The following TUSC3 variants were observed in gnomAD, a reference collection of about 807,000 sequenced individuals.
TUSC3 encodes the protein tumor suppressor candidate 3.
A neutral mutation model predicts 44.8 loss-of-function variants in TUSC3; 45 were observed. That is an observed-to-expected ratio of 1.00 (90% confidence interval 0.79 to 1.29). TUSC3 has a LOEUF of 1.29. TUSC3 is among the 50% of genes most tolerant of loss of function. The probability of loss-of-function intolerance (pLI) is 0.00; values close to 1 mark genes in which losing one functional copy is unlikely to be tolerated. For synonymous variants in TUSC3, 212 were observed against 152.9 expected (o/e 1.39, Z -2.85); for missense variants, 519 against 437.9 (o/e 1.19, Z -1.65).
chr8:15,538,397 C>G (rs569140227), upstream of TUSC3, among the ~76,000 whole-genome samples: 1 of 152,052 alleles, frequency 6.6e-6, no homozygotes, highest in Admixed American at 6.5e-5. Context: ...GCAAAATGTT[C>G]ACATAATAGT....
At chr8:15,583,489 C>T (rs1226530327) in intron 1 of TUSC3, among the ~76,000 whole-genome samples, 1 of 151,858 alleles carries the variant, frequency 6.6e-6, no homozygotes, top group Non-Finnish European at 1.5e-5. Context: ...ATTATTGTTC[C>T]CTTTGAATTA....
At chr8:15,613,064 G>GATATATATATATAT (rs34594440) in intron 1 of TUSC3, among the ~76,000 whole-genome samples, 64 of 144,558 alleles carry the variant, frequency 4.4e-4, no homozygotes, top group African/African-American at 1.6e-3. Context: ...TTATATATAT[G>GATATATATATATAT]ATATATATAT....
chr8:15,731,288 G>A (rs1349832250), intron 7 of TUSC3, among the ~76,000 whole-genome samples: 2 of 152,104 alleles, frequency 1.3e-5, no homozygotes, highest in South Asian at 4.1e-4. Context: ...TAAGAAAAAG[G>A]TAAGGTTAAG....
intron 6 of TUSC3, among the ~76,000 whole-genome samples, chr8:15,701,639 C>T (rs1479341288): frequency 6.6e-6 from 1 of 152,028 alleles, no homozygotes; most frequent in Non-Finnish European, 1.5e-5. Flanking sequence ...AATTTAACTG[C>T]AGTAAGAAAA....
the TUSC3 span, among the ~76,000 whole-genome samples, chr8:15,819,208 GGTA>G: frequency 3.3e-5 from 5 of 152,084 alleles, no homozygotes; most frequent in Admixed American, 3.3e-4. Context: ...TAGATGTAAT[GGTA>G]GTAGACTGCA....
intron 6 of TUSC3, among the ~76,000 whole-genome samples, chr8:15,713,378 A>G (rs549756194): frequency 6.6e-6 from 1 of 152,188 alleles, no homozygotes; most frequent in Non-Finnish European, 1.5e-5. Context: ...ATCTAAGCAT[A>G]GTGTTACTGT....
At chr8:15,749,242 C>G (rs1242544347) in intron 9 of TUSC3, among the ~76,000 whole-genome samples, 1 of 152,034 alleles carries the variant, frequency 6.6e-6, no homozygotes, top group African/African-American at 2.4e-5. Flanking sequence ...GGTAGTAGAA[C>G]CAGTGATATG....
At chr8:15,548,401 A>T (rs1034166071) in intron 1 of TUSC3, among the ~76,000 whole-genome samples, 1 of 151,872 alleles carries the variant, frequency 6.6e-6, no homozygotes, top group Non-Finnish European at 1.5e-5. Flanking sequence ...ATACAGTTGT[A>T]CATGGCTTTG....
At chr8:15,508,323 A>G (rs1489554080) in intron 2 of TUSC3, among the ~76,000 whole-genome samples, 1 of 152,112 alleles carries the variant, frequency 6.6e-6, no homozygotes, top group Non-Finnish European at 1.5e-5. Context: ...GTTGGATGTG[A>G]TATCCTATTA....
intron 1 of TUSC3, among the ~76,000 whole-genome samples, chr8:15,549,599 T>C (rs1226590194): frequency 6.6e-6 from 1 of 151,732 alleles, no homozygotes; most frequent in Non-Finnish European, 1.5e-5. Flanking sequence ...ATTTTAATAA[T>C]ATTCTTTTGG....
chr8:15,423,969 G>GT lies in TUSC3; in HGVS notation n.91+6702dup, dbSNP rs112397215. On this transcript the variant is annotated intron_variant and non_coding_transcript_variant, in intron 1 of 5. Coordinates refer to the TUSC3 transcript ENST00000503191. ...TACAGCATTCATACTGTTTTGCTTTGTTTTTTTTTTTTTTTTTTTTTTTTT... is the reference window on the plus strand; with the variant it reads ...TACAGCATTCATACTGTTTTGCTTTGTTTTTTTTTTTTTTTTTTTTTTTTTT... Among the ~76,000 whole-genome samples the GT allele has an allele frequency of 2.0e-4, 14 of 70,388 alleles. 2 individuals carry two copies. The highest frequency in any genetic ancestry group is 4.7e-4 in the South Asian group (1 of 2,112). 46.2% of individuals were successfully genotyped at this position (70,388 alleles called of 152,430 possible).
At chr8:15,677,116 C>T (rs796474010) in intron 6 of TUSC3, among the ~76,000 whole-genome samples, 22 of 152,186 alleles carry the variant, frequency 1.4e-4, no homozygotes, top group African/African-American at 5.1e-4. Context: ...ACTCCTGGCT[C>T]AAGTGATCCT....
chr8:15,486,301 G>C (rs1274899317), intron 2 of TUSC3, among the ~76,000 whole-genome samples: 2 of 152,104 alleles, frequency 1.3e-5, no homozygotes, highest in Non-Finnish European at 2.9e-5. Context: ...CTTGAAGCAT[G>C]GTTTTCAGGG....
chr8:15,843,231 T>C, the TUSC3 span, among the ~76,000 whole-genome samples: 3 of 152,172 alleles, frequency 2.0e-5, no homozygotes, highest in Non-Finnish European at 4.4e-5. Context: ...CATTAGTTAA[T>C]TGTATTCATT....
chr8:15,631,668 T>TTGTGTGTGTGTG (rs147004169), intron 2 of TUSC3, among the ~76,000 whole-genome samples: 1 of 145,114 alleles, frequency 6.9e-6, no homozygotes, highest in Non-Finnish European at 1.5e-5. Flanking sequence ...TTTAAGGCTG[T>TTGTGTGTGTGTG]TGTGTGTGTG....
At chr8:15,728,420 C>A (rs1465110901) in intron 6 of TUSC3, among the ~76,000 whole-genome samples, 1 of 141,410 alleles carries the variant, frequency 7.1e-6, no homozygotes, top group Non-Finnish European at 1.5e-5. Context: ...GAAAGTAGAG[C>A]CAACAGTATT....
chr8:15,494,020 T>C (rs1235802946), intron 2 of TUSC3, among the ~76,000 whole-genome samples: 1 of 152,206 alleles, frequency 6.6e-6, no homozygotes, highest in Non-Finnish European at 1.5e-5. Context: ...TTTGCACTTC[T>C]TTCTCTTACA....
chr8:15,427,075 G>GTTTT (rs367932724), intron 1 of TUSC3, among the ~76,000 whole-genome samples: 1,474 of 145,908 alleles, frequency 0.01, 27 homozygotes, highest in African/African-American at 0.032. Flanking sequence ...GTTGTTTGGT[G>GTTTT]TTTGTTTTTT....
chr8:15,573,838 G>C (rs1802984876), intron 1 of TUSC3, among the ~76,000 whole-genome samples: 1 of 151,986 alleles, frequency 6.6e-6, no homozygotes, highest in East Asian at 1.9e-4. Flanking sequence ...AAATGTCATG[G>C]AGAATTGTTT....
Sources: allele counts gnomAD v4.1 joint callset (sites outside exome capture counted in the v4.1 genomes callset), GRCh38; gene constraint gnomAD v4.1.1; transcripts MANE v1.5; gene names NCBI Gene and HGNC (gene_info 2026-07-23, HGNC 2026-07-21).